The following GDF5 variants were observed in gnomAD, a reference collection of about 807,000 sequenced individuals.
GDF5 encodes growth/differentiation factor 5.
A neutral mutation model predicts 34.6 loss-of-function variants in GDF5; 17 were observed. That is an observed-to-expected ratio of 0.49 (90% CI 0.34 to 0.74). GDF5 has a LOEUF of 0.74. Among genes scored for constraint, GDF5 ranks in the 30% least tolerant of loss-of-function variants. The probability of loss-of-function intolerance (pLI) is 0.01; values close to 1 mark genes in which losing one functional copy is unlikely to be tolerated. For synonymous variants in GDF5, 332 were observed against 290.7 expected (o/e 1.14, Z -1.44); for missense variants, 616 against 661.2 (o/e 0.93, Z 0.75).
chr20:35,443,343 T>A (rs1245425887), intron 1 of GDF5, among the ~76,000 whole-genome samples: 1 of 152,048 alleles, frequency 6.6e-6, no homozygotes, highest in African/African-American at 2.4e-5. Flanking sequence ...GCAATATTAA[T>A]GTCAAACTTG....
chr20:35,450,739 C>T (rs939657909), intron 1 of GDF5, among the ~76,000 whole-genome samples: 1 of 151,912 alleles, frequency 6.6e-6, no homozygotes, highest in African/African-American at 2.4e-5. Flanking sequence ...CCCTACTGAA[C>T]AGGACCTAAT....
At position 35,444,771 on chromosome 20, in the gene GDF5, T is replaced by C. The variant is rs537518760; in HGVS notation, c.-397-3384A>G. Among the ~76,000 whole-genome samples the C allele has an allele frequency of 2.4e-4, 36 of 152,184 alleles. 2 individuals are homozygous for C. In the South Asian group the frequency reaches 7.5e-3, roughly 32 times the overall value. ...CACCATGCCCAGCTAATTTTTGTAT[T>C]TTTAGTAGAGACAGGTTTTCACCAT... On this transcript the variant is annotated intron_variant, in intron 1 of 3. Transcript: ENST00000374372.
Position 35,451,072 on chromosome 20 carries a change from T to TAA in GDF5, c.-398+3567_-398+3568insTT, listed in dbSNP as rs1369161560. On this transcript the variant is annotated intron_variant, in intron 1 of 3. Coordinates refer to the GDF5 transcript ENST00000374372. The stretch of plus-strand genomic sequence containing the variant: ...AAAAAAAAAAAAAAAAAAATATATA[T>TAA]ATATATATATATATATATATACACA... 7.1e-3 allele frequency among the ~76,000 whole-genome samples: 295 copies of TAA among 41,358 alleles called. 19 individuals are homozygous for TAA. Among genetic ancestry groups the TAA allele is most frequent in the African/African-American group, 0.049 (220 of 4,534 alleles). The allele number at this position is 41,358 out of a possible 152,430, so 27.1% of individuals were successfully genotyped here.
chr20:35,437,323 G>A lies in GDF5; in HGVS notation c.606C>T (p.Ile202=), dbSNP rs1286366010. Reference sequence around the variant, plus strand: ...CTTGCCCTTTGTCAATAAAGCTGGTGATGGTGTTGGCCAGGCCAGCCTCCA... The same window carrying A: ...CTTGCCCTTTGTCAATAAAGCTGGTAATGGTGTTGGCCAGGCCAGCCTCCA... ...VKLEAGLANT[I]TSFIDKGQDD... The change falls in exon 1 of 2, where the codon ATC becomes ATT. Residue 202 remains isoleucine, a synonymous_variant. Transcript: ENST00000374369. 6.2e-7 allele frequency: 1 copy of A among 1,612,926 alleles called. No homozygotes were observed. Among genetic ancestry groups the A allele is most frequent in the East Asian group, 2.2e-5 (1 of 44,876 alleles).
chr20:35,446,263 T>G (rs1052683320), intron 1 of GDF5, among the ~76,000 whole-genome samples: 2 of 151,176 alleles, frequency 1.3e-5, no homozygotes, highest in Non-Finnish European at 2.9e-5. Flanking sequence ...TGAGCTGAGA[T>G]CCAGCCATTG....
chr20:35,448,506 C>T (rs2062521312), intron 1 of GDF5, among the ~76,000 whole-genome samples: 1 of 115,358 alleles, frequency 8.7e-6, no homozygotes, highest in Non-Finnish European at 1.6e-5. Flanking sequence ...TGCAGTGGAG[C>T]AATCTTGGCT....
intron 1 of GDF5, among the ~76,000 whole-genome samples, chr20:35,452,798 T>C (rs2062538498): frequency 6.6e-6 from 1 of 152,244 alleles, no homozygotes; most frequent in African/African-American, 2.4e-5. Context: ...ACACTAGGGC[T>C]GACTTGATTC....
chr20:35,453,203 T>C (rs1192372353), intron 1 of GDF5, among the ~76,000 whole-genome samples: 3 of 152,056 alleles, frequency 2.0e-5, no homozygotes, highest in African/African-American at 4.8e-5. Flanking sequence ...TGAGCCGAGA[T>C]TGCGCCGCTG....
At chr20:35,436,708 C>T (rs1458358881) in intron 1 of GDF5, among the ~76,000 whole-genome samples, 4 of 152,128 alleles carry the variant, frequency 2.6e-5, no homozygotes, top group Non-Finnish European at 5.9e-5. Flanking sequence ...GATGGGAAAA[C>T]GGAGACCCCA....
intron 1 of GDF5, among the ~76,000 whole-genome samples, chr20:35,445,143 A>C (rs892828098): frequency 4.5e-4 from 69 of 152,160 alleles, no homozygotes; most frequent in African/African-American, 1.5e-3. Flanking sequence ...GGTTCCCCCC[A>C]TTTATCAGCT....
intron 1 of GDF5, among the ~76,000 whole-genome samples, chr20:35,448,448 CTTTTT>C (rs34209210): frequency 3.5e-5 from 3 of 86,748 alleles, no homozygotes; most frequent in African/African-American, 1.0e-4. Flanking sequence ...GCCCCCCCGA[CTTTTT>C]TTTTTTTTTT....
intron 1 of GDF5, among the ~76,000 whole-genome samples, chr20:35,443,600 C>A (rs1234877650): frequency 6.6e-6 from 1 of 152,076 alleles, no homozygotes; most frequent in African/African-American, 2.4e-5. Context: ...CAACCTCTGC[C>A]TCCCAGGTTC....
intron 1 of GDF5, among the ~76,000 whole-genome samples, chr20:35,448,043 A>T (rs540196721): frequency 6.6e-6 from 1 of 152,192 alleles, no homozygotes; most frequent in Non-Finnish European, 1.5e-5. Flanking sequence ...GTTCATTGTA[A>T]AAATATTCAA....
At chr20:35,449,321 G>T in intron 1 of GDF5, among the ~76,000 whole-genome samples, 1 of 151,708 alleles carries the variant, frequency 6.6e-6, no homozygotes, top group South Asian at 2.1e-4. Context: ...TGTTGCCCAG[G>T]TTGGAGTGCA....
At chr20:35,448,126 G>A (rs2062519488) in intron 1 of GDF5, among the ~76,000 whole-genome samples, 1 of 151,924 alleles carries the variant, frequency 6.6e-6, no homozygotes, top group South Asian at 2.1e-4. Flanking sequence ...TCTAATCACA[G>A]GAAACCTCTC....
chr20:35,444,411 G>A (rs224338), intron 1 of GDF5, among the ~76,000 whole-genome samples: 150,616 of 152,220 alleles, frequency 0.99, 74,533 homozygotes, highest in Middle Eastern at 1. Context: ...TTCCAGGTGG[G>A]GGGAACAGCA....
chr20:35,446,239 G>C (rs1184383569), intron 1 of GDF5, among the ~76,000 whole-genome samples: 1 of 151,384 alleles, frequency 6.6e-6, no homozygotes, highest in Non-Finnish European at 1.5e-5. Flanking sequence ...GAACCCAGGA[G>C]GCAGAGGTTG....
chr20:35,438,601 C>T (rs766700146), upstream of GDF5, among the ~76,000 whole-genome samples: 18 of 152,336 alleles, frequency 1.2e-4, no homozygotes, highest in South Asian at 1.2e-3. Flanking sequence ...TGCAGCGGGA[C>T]TCTAGGCTTA....
chr20:35,451,051 A>ATATATATATAG (rs1483469021), intron 1 of GDF5, among the ~76,000 whole-genome samples: 1 of 38,658 alleles, frequency 2.6e-5, no homozygotes, highest in African/African-American at 1.3e-4. Context: ...AGAAAAAAAA[A>ATATATATATAG]AAAAAAAAAA....
Sources: gnomAD v4.1 joint callset for allele counts (sites outside exome capture counted in the v4.1 genomes callset) on GRCh38, gnomAD v4.1.1 for gene constraint, MANE v1.5 for transcripts, NCBI Gene and HGNC (gene_info 2026-07-23, HGNC 2026-07-21) for gene names.